The following BAHD1 variants were observed in gnomAD, a reference collection of about 807,000 sequenced individuals.
BAHD1 encodes the protein bromo adjacent homology domain-containing 1 protein.
Under a neutral mutation model 63.1 loss-of-function variants are expected in BAHD1, and 20 were observed. The ratio of observed to expected loss-of-function variants is 0.32; its 90% CI spans 0.22 to 0.46. The LOEUF is 0.46. Ranked by LOEUF, BAHD1 falls within the 20% of genes least tolerant of loss-of-function variation. The pLI is 1.00. For missense variants in BAHD1, 939 were observed against 1,071.8 expected, an observed-to-expected ratio of 0.88 and a Z score of 1.73; for synonymous variants, 408 against 426.8, an observed-to-expected ratio of 0.96 and a Z score of 0.54.
rs1894128365 is a variant in BAHD1 at position 40,463,961 on chromosome 15, G to A, written c.1916G>A (p.Arg639Gln). Residue 639 changes from arginine to glutamine, a missense_variant, in exon 4 of 7, where the codon CGA becomes CAA. Arg to Gln is a conservative substitution (Grantham distance 43). Transcript: ENST00000416165. ...RDTVLLKSGP[R>Q]KTSTPYVAKI... ...ACCGTCCTTCTCAAATCAGGCCCAC[G>A]AAAGACCTCCACACCTTATGTGGCC... 6.2e-7 allele frequency: 1 copy of A among 1,614,110 alleles called. No homozygotes were observed.
intron 1 of BAHD1, among the ~76,000 whole-genome samples, chr15:40,441,902 A>G (rs1893415112): frequency 6.6e-6 from 1 of 151,380 alleles, no homozygotes; most frequent in Non-Finnish European, 1.5e-5. Flanking sequence ...GGAGTAGTGT[A>G]GACCCGACTC....
chr15:40,462,398 G>C (rs1421779484), intron 3 of BAHD1, 104 bp downstream of exon 3: 1 of 1,447,488 alleles, frequency 6.9e-7, no homozygotes, highest in Non-Finnish European at 9.3e-7. Context: ...GCTACTCTGA[G>C]AGCTGACAAG....
At chr15:40,462,721 G>A (rs554276649) in intron 3 of BAHD1, among the ~76,000 whole-genome samples, 24 of 152,242 alleles carry the variant, frequency 1.6e-4, no homozygotes, top group African/African-American at 5.8e-4. Context: ...GGCCAAGTGC[G>A]GTGGCTCACA....
intron 1 of BAHD1, among the ~76,000 whole-genome samples, chr15:40,444,253 G>A (rs988781130): frequency 6.6e-6 from 1 of 152,178 alleles, no homozygotes; most frequent in Non-Finnish European, 1.5e-5. Context: ...CTCCAGAAAT[G>A]CTCATATTGG....
chr15:40,458,729 G>A lies in BAHD1; in HGVS notation c.265G>A (p.Ala89Thr). The A allele has an allele frequency of 1.2e-6, 2 of 1,613,538 alleles. No individual in the cohort carries two copies. The highest frequency in any genetic ancestry group is 1.7e-6 in the Non-Finnish European group (2 of 1,180,028). ...NVAGPRSADEADELPPDLPKP... is the reference protein window; with the variant it reads ...NVAGPRSADETDELPPDLPKP... ...GGCCGGTCCCCGGAGTGCAGATGAGGCTGATGAGCTACCGCCTGACCTGCC... is the reference window on the plus strand; with the variant it reads ...GGCCGGTCCCCGGAGTGCAGATGAGACTGATGAGCTACCGCCTGACCTGCC... Residue 89 changes from alanine to threonine, a missense_variant, in exon 2 of 7, where the codon GCT (alanine) becomes ACT (threonine). Transcript: ENST00000416165. The surrounding 1 kb of genome is among the most constrained non-coding windows in gnomAD (Gnocchi z 4.7).
In BAHD1 at chr15:40,459,831, C is replaced by A; in HGVS notation, c.1367C>A (p.Pro456His). The change falls in exon 2 of 7, where the codon CCC (proline) becomes CAC (histidine). Residue 456 changes from proline (P) to histidine (H), a missense_variant. Transcript: ENST00000416165. ...VNGYSICGVL[P>H]LSVTHAGTTC... The stretch of plus-strand genomic sequence containing the variant: ...GGCTACAGCATCTGCGGAGTGTTGC[C>A]CCTGTCTGTTACCCACGCTGGCACT... The A allele has an allele frequency of 1.9e-6, 3 of 1,611,676 alleles. No individual in the cohort carries two copies. Among genetic ancestry groups the A allele is most frequent in the Non-Finnish European group, 1.7e-6 (2 of 1,179,034 alleles).
intron 1 of BAHD1, among the ~76,000 whole-genome samples, chr15:40,445,219 C>A (rs144849722): frequency 6.9e-6 from 1 of 144,774 alleles, no homozygotes; most frequent in Non-Finnish European, 1.5e-5. Flanking sequence ...TATTCATCCC[C>A]GGTGCAAATT....
chr15:40,448,198 C>T lies in BAHD1; in HGVS notation c.-15+6930C>T, dbSNP rs907383386. Among the ~76,000 whole-genome samples the T allele has an allele frequency of 8.6e-5, 13 of 151,412 alleles. No homozygotes were observed. In the South Asian group the frequency reaches 1.7e-3, roughly 19 times the overall value. ...TGGAGGTTGCAGTGAGCCGAGATTG[C>T]GCCACTGCACTCTAGCCTGGATGAC... On this transcript the variant is annotated intron_variant, in intron 1 of 6. Coordinates refer to ENST00000416165, the MANE Select transcript of BAHD1 (RefSeq NM_014952.5).
At chr15:40,445,476 C>T (rs1893515274) in intron 1 of BAHD1, among the ~76,000 whole-genome samples, 1 of 152,184 alleles carries the variant, frequency 6.6e-6, no homozygotes, top group African/African-American at 2.4e-5. Flanking sequence ...TGTGTGTTTT[C>T]ATTTTATCTG....
upstream of BAHD1, among the ~76,000 whole-genome samples, chr15:40,438,141 T>C (rs1231369872): frequency 1.3e-5 from 2 of 152,118 alleles, no homozygotes; most frequent in African/African-American, 4.8e-5. Context: ...GCCCCAGGCG[T>C]TGGCACAGCT....
At chr15:40,438,806 C>A (rs565639976), upstream of BAHD1, among the ~76,000 whole-genome samples, 3 of 152,242 alleles carry the variant, frequency 2.0e-5, no homozygotes, top group African/African-American at 7.2e-5. Context: ...CCTCTTCTGG[C>A]CCTCCCGGCC....
Position 40,467,036 on chromosome 15 carries a change from A to C in BAHD1, c.*906A>C, listed in dbSNP as rs546967458. On this transcript the variant is annotated 3_prime_UTR_variant, in exon 7 of 7. Coordinates refer to ENST00000416165, the MANE Select transcript of BAHD1 (RefSeq NM_014952.5). The stretch of plus-strand genomic sequence containing the variant: ...TGATTCTTCAAGCCACACCCACCTG[A>C]AATCAAACCAAAGGAGTGCTGTGGC... 13 of 152,466 alleles carry C rather than the reference A, an allele frequency of 8.5e-5. No individual in the cohort carries two copies. The highest frequency in any genetic ancestry group is 2.6e-4 in the African/African-American group (11 of 41,532). The allele number at this position is 152,466 out of a possible 1,614,324, so 9.4% of individuals were successfully genotyped here.
At chr15:40,454,018 A>C (rs1343779659) in intron 1 of BAHD1, 1 of 152,514 alleles carries the variant, frequency 6.6e-6, no homozygotes, top group Non-Finnish European at 1.5e-5. Context: ...AAGAAGCCTG[A>C]AAAGCAAAAT....
At chr15:40,451,386 C>T (rs1417139287) in intron 1 of BAHD1, among the ~76,000 whole-genome samples, 2 of 152,210 alleles carry the variant, frequency 1.3e-5, no homozygotes, top group African/African-American at 4.8e-5. Flanking sequence ...TCCATTATAG[C>T]CCTTGTCACA....
Position 40,462,041 on chromosome 15 carries a change from T to C in BAHD1, c.1562T>C (p.Leu521Pro). Residue 521 changes from leucine to proline, a missense_variant, in exon 3 of 7, where the codon CTT (leucine) becomes CCT (proline). Leu to Pro is a moderately conservative substitution (Grantham distance 98, BLOSUM62 -3). Coordinates refer to ENST00000416165, the MANE Select transcript of BAHD1 (RefSeq NM_014952.5). ...CCTGCAGCAGAGCCCGTCCCCCATC[T>C]TCAGACACCCACCTCGGAGCCCCAG... ...VPPAAEPVPH[L>P]QTPTSEPQTV... The C allele has an allele frequency of 6.2e-7, 1 of 1,612,830 alleles. No individual in the cohort carries two copies. The highest frequency in any genetic ancestry group is 8.5e-7 in the Non-Finnish European group (1 of 1,179,298).
In BAHD1 at chr15:40,466,948, G is replaced by A. The variant is rs1187941337; in HGVS notation, c.*818G>A. The A allele has an allele frequency of 6.6e-6, 1 of 152,420 alleles. No homozygotes were observed. Among genetic ancestry groups the A allele is most frequent in the African/African-American group, 2.4e-5 (1 of 41,414 alleles). 9.4% of individuals were successfully genotyped at this position (152,420 alleles called of 1,614,324 possible). A position where few individuals can be genotyped will look rare whatever the true frequency, so the allele number is the denominator to read the frequency against. On this transcript the variant is annotated 3_prime_UTR_variant, in exon 7 of 7. Coordinates refer to ENST00000416165, the MANE Select transcript of BAHD1 (RefSeq NM_014952.5). The stretch of plus-strand genomic sequence containing the variant: ...AAGGAAAATTGCTACCTGATTTGTT[G>A]AAGATTTTTCCTCTTGCCTTACACA...
Position 40,467,741 on chromosome 15 carries a change from C to CTT in BAHD1, c.*1612_*1613dup, listed in dbSNP as rs1444604425. The CTT allele has an allele frequency of 6.6e-6, 1 of 152,662 alleles. No homozygotes were observed. The highest frequency in any genetic ancestry group is 1.9e-4 in the East Asian group (1 of 5,198). The allele number at this position is 152,662 out of a possible 1,614,324, so 9.5% of individuals were successfully genotyped here. ...TGATCCCAAACCTGAAGGGAAGGGA[C>CTT]TTGGATCTCCTTATATTGAATAAGC... On this transcript the variant is annotated 3_prime_UTR_variant, in exon 7 of 7. Transcript: ENST00000416165.
intron 2 of BAHD1, 136 bp downstream of exon 2, chr15:40,460,032 A>G: frequency 1.8e-6 from 2 of 1,135,954 alleles, no homozygotes; most frequent in Non-Finnish European, 2.4e-6. Flanking sequence ...TTCAGAAGTG[A>G]GAACTCCCGT....
chr15:40,465,106 CAG>C (rs1396966918), intron 5 of BAHD1: 13 of 553,962 alleles, frequency 2.3e-5, no homozygotes, highest in Admixed American at 3.2e-5. Flanking sequence ...CAGTGACAAT[CAG>C]GGGCTAGAGC....
Sources: gnomAD v4.1 joint callset for allele counts (sites outside exome capture counted in the v4.1 genomes callset) on GRCh38, gnomAD v4.1.1 for gene constraint, Gnocchi (gnomAD v3.1) non-coding constraint, MANE v1.5 for transcripts, NCBI Gene and HGNC (gene_info 2026-07-23, HGNC 2026-07-21) for gene names.